The following DAPK1 variants were observed in gnomAD, a reference collection of about 807,000 sequenced individuals.
DAPK1 encodes the protein death associated protein kinase 1.
DAPK1 carries 56 observed loss-of-function variants against 144.9 expected under a neutral mutation model. The observed-to-expected ratio is 0.39, with a 90% CI of 0.31 to 0.48. The LOEUF (loss-of-function observed/expected upper bound fraction) is 0.48, where lower values mean the gene tolerates loss of function less well. DAPK1 is among the 20% of genes least tolerant of loss of function. The pLI is 0.95. For synonymous variants in DAPK1, 690 were observed against 749.0 expected (o/e 0.92, Z 1.29); for missense variants, 1,454 against 1,875.4 (o/e 0.78, Z 4.15).
intron 2 of DAPK1, among the ~76,000 whole-genome samples, chr9:87,593,370 G>A (rs36206053): frequency 1.5e-3 from 235 of 152,312 alleles, no homozygotes; most frequent in Admixed American, 4.3e-3. Context: ...AAACATGCAG[G>A]CAAATAGTAT....
At chr9:87,678,976 T>C (rs1474833116) in intron 19 of DAPK1, among the ~76,000 whole-genome samples, 2 of 152,162 alleles carry the variant, frequency 1.3e-5, no homozygotes, top group Non-Finnish European at 2.9e-5. Context: ...AATGCAGTTA[T>C]AACAGCAAAA....
chr9:87,607,313 G>C (rs1003842541), intron 3 of DAPK1, among the ~76,000 whole-genome samples: 1 of 152,122 alleles, frequency 6.6e-6, no homozygotes, highest in African/African-American at 2.4e-5. Flanking sequence ...CCTTAAGACA[G>C]TGCATACAAA....
chr9:87,612,060 G>A (rs1403991679), intron 3 of DAPK1, among the ~76,000 whole-genome samples: 1 of 152,186 alleles, frequency 6.6e-6, no homozygotes, highest in Admixed American at 6.5e-5. Flanking sequence ...AAGGCATCGC[G>A]TGGCAAGAGA....
chr9:87,641,211 A>G (rs1026404106), intron 9 of DAPK1, among the ~76,000 whole-genome samples: 5 of 152,204 alleles, frequency 3.3e-5, no homozygotes, highest in Admixed American at 1.3e-4. Context: ...AAATCTGAAG[A>G]TCTGCTGACA....
At chr9:87,620,585 A>G (rs1326500234) in intron 3 of DAPK1, among the ~76,000 whole-genome samples, 4 of 115,168 alleles carry the variant, frequency 3.5e-5, no homozygotes, top group South Asian at 3.2e-4. Context: ...GGGGAGGGAG[A>G]GGGGAGGAGG....
chr9:87,497,863 G>A (rs1057125822), upstream of DAPK1: 41 of 393,626 alleles, frequency 1.0e-4, no homozygotes, highest in Non-Finnish European at 1.8e-4. Flanking sequence ...GGAGCCGAGA[G>A]GCTGCTTCGG....
rs527821719 is a variant in DAPK1 at position 87,590,381 on chromosome 9, A to AAAAAG, written c.63-14553_63-14549dup. Among the ~76,000 whole-genome samples the AAAAAG allele has an allele frequency of 3.3e-3, 493 of 149,744 alleles. 11 individuals are homozygous for AAAAAG. The highest frequency in any genetic ancestry group is 0.029 in the Admixed American group (435 of 14,984). On this transcript the variant is annotated intron_variant, in intron 2 of 25. Transcript: ENST00000408954. ...AGATCATTGGCCTCAAAAAAAAAAAAAAAAGAAAAGAAAAGAAAAGAAAAA... is the reference window on the plus strand; with the variant it reads ...AGATCATTGGCCTCAAAAAAAAAAAAAAAAGAAAAGAAAAGAAAAGAAAAGAAAAA...
At chr9:87,567,485 A>G (rs1178959419) in intron 2 of DAPK1, among the ~76,000 whole-genome samples, 1 of 152,122 alleles carries the variant, frequency 6.6e-6, no homozygotes, top group Non-Finnish European at 1.5e-5. Context: ...TCTTCCTGTT[A>G]GAGAAAGACC....
intron 4 of DAPK1, 137 bp from the exon 5 acceptor site, chr9:87,639,217 C>A: frequency 2.6e-6 from 2 of 755,828 alleles, no homozygotes; most frequent in South Asian, 4.1e-5. Context: ...ATGTATTTTC[C>A]TGCTGTTCTC....
At chr9:87,660,937 C>T (rs370684605) in intron 18 of DAPK1, among the ~76,000 whole-genome samples, 1 of 152,308 alleles carries the variant, frequency 6.6e-6, no homozygotes, top group African/African-American at 2.4e-5. Context: ...CTCTGCCTCC[C>T]AGGTTCAAGT....
At chr9:87,642,102 G>T in intron 10 of DAPK1, 44 bp downstream of exon 10, 1 of 1,511,862 alleles carries the variant, frequency 6.6e-7, no homozygotes, top group Non-Finnish European at 9.2e-7. Context: ...TCTGTTTCCT[G>T]TGTAGAGTAG....
Position 87,706,966 on chromosome 9 carries a change from G to C in DAPK1, c.3895G>C (p.Asp1299His). The change falls in exon 26 of 26, where the codon GAC becomes CAC. Residue 1299 changes from aspartate to histidine, a missense_variant. Asp to His is a moderately conservative substitution (Grantham distance 81). Coordinates refer to ENST00000408954, the MANE Select transcript of DAPK1 (RefSeq NM_004938.4). The surrounding 1 kb of genome is among the most constrained non-coding windows in gnomAD (Gnocchi z 9.0). ...CTACTCACAGGCCAGCCTCGGCATG[G>C]ACATCCATGCATCAGACCTGAACCT... is the stretch of plus-strand genomic sequence containing the variant. ...DVYSQASLGMDIHASDLNLLT... is the reference protein window; with the variant it reads ...DVYSQASLGMHIHASDLNLLT... The C allele has an allele frequency of 2.5e-6, 4 of 1,613,298 alleles. No homozygotes were observed. Among genetic ancestry groups the C allele is most frequent in the Non-Finnish European group, 2.5e-6 (3 of 1,179,714 alleles).
chr9:87,622,681 C>T (rs535358962), intron 3 of DAPK1, among the ~76,000 whole-genome samples: 2 of 152,194 alleles, frequency 1.3e-5, no homozygotes, highest in South Asian at 2.1e-4. Context: ...GAGGCCGAGG[C>T]AGGTGGATTG....
At chr9:87,550,376 A>G (rs114104791) in intron 2 of DAPK1, among the ~76,000 whole-genome samples, 169 of 152,336 alleles carry the variant, frequency 1.1e-3, no homozygotes, top group African/African-American at 4.0e-3. Context: ...AGTTCAAACA[A>G]GAGAAATTTA....
rs928432192 is a variant in DAPK1, at chr9:87,622,911, T to TA, written c.285-15022dup. 1.1e-4 allele frequency among the ~76,000 whole-genome samples: 17 copies of TA among 149,058 alleles called. No homozygotes were observed. In the South Asian group the frequency reaches 1.7e-3, roughly 15 times the overall value. The stretch of plus-strand genomic sequence containing the variant: ...GGGCGGCAGAGTGAGACTCCATCTC[T>TA]AAAAAAAAAATAAATAATAAGGACT... On this transcript the variant is annotated intron_variant, in intron 3 of 25. Coordinates refer to ENST00000408954, the MANE Select transcript of DAPK1 (RefSeq NM_004938.4).
chr9:87,531,204 G>A (rs1825688557), intron 2 of DAPK1, among the ~76,000 whole-genome samples: 1 of 152,178 alleles, frequency 6.6e-6, no homozygotes, highest in South Asian at 2.1e-4. Flanking sequence ...CTGCAGTGTG[G>A]GTCATAGCTT....
At chr9:87,525,452 A>G (rs958831805) in intron 2 of DAPK1, 8 of 1,605,042 alleles carry the variant, frequency 5.0e-6, no homozygotes, top group African/African-American at 4.0e-5. Context: ...CGCGAAGGAT[A>G]TCGGTTTCAT....
intron 24 of DAPK1, chr9:87,701,989 G>A (rs1309000038): frequency 2.5e-6 from 1 of 405,340 alleles, no homozygotes; most frequent in East Asian, 7.5e-5. Flanking sequence ...GGGCCCCTGT[G>A]CTTCCCCACC....
chr9:87,696,791 C>T (rs1185944317), intron 21 of DAPK1, among the ~76,000 whole-genome samples: 1 of 152,148 alleles, frequency 6.6e-6, no homozygotes, highest in Non-Finnish European at 1.5e-5. Context: ...CACCTCCCAC[C>T]AGGCCTCACC....
Sources: gnomAD v4.1 joint callset for allele counts (sites outside exome capture counted in the v4.1 genomes callset) on GRCh38, gnomAD v4.1.1 for gene constraint, Gnocchi (gnomAD v3.1) non-coding constraint, MANE v1.5 for transcripts, NCBI Gene and HGNC (gene_info 2026-07-23, HGNC 2026-07-21) for gene names.